Variants in FERMT2 observed in about 807,000 individuals in gnomAD.
FERMT2 encodes the protein FERM domain containing kindlin 2.
A neutral mutation model predicts 82.7 loss-of-function variants in FERMT2; 15 were observed. The ratio of observed to expected loss-of-function variants is 0.18; its 90% CI spans 0.12 to 0.28. The LOEUF is 0.28. Ranked by LOEUF, FERMT2 falls within the 10% of genes least tolerant of loss-of-function variation. The pLI, the probability that FERMT2 is intolerant of heterozygous loss-of-function variation, is 1.00. For synonymous variants in FERMT2, 274 were observed against 271.5 expected, an observed-to-expected ratio of 1.01 and a Z score of -0.09; for missense variants, 645 against 809.4, an observed-to-expected ratio of 0.80 and a Z score of 2.46.
chr14:52,948,891 C>T (rs1459799184), intron 2 of FERMT2, among the ~76,000 whole-genome samples: 6 of 152,084 alleles, frequency 3.9e-5, no homozygotes, highest in Admixed American at 3.3e-4. Flanking sequence ...AAAGCTCTAA[C>T]AAAAATGCTT....
At chr14:52,860,505 TTC>T (rs750606214) in intron 12 of FERMT2, 40 bp from the exon 13 acceptor site, 43 of 1,575,492 alleles carry the variant, frequency 2.7e-5, no homozygotes, top group Non-Finnish European at 3.6e-5. Context: ...TTGAACATTA[TTC>T]TCTCATGGGA....
At chr14:52,881,848 G>A (rs1347168768) in intron 4 of FERMT2, 2 of 1,229,320 alleles carry the variant, frequency 1.6e-6, no homozygotes, top group Non-Finnish European at 2.1e-6. Flanking sequence ...AGGAAAGAAA[G>A]GAATTCAGAA....
At chr14:52,896,528 A>G (rs971141283) in intron 3 of FERMT2, among the ~76,000 whole-genome samples, 2 of 152,182 alleles carry the variant, frequency 1.3e-5, no homozygotes, top group Non-Finnish European at 2.9e-5. Context: ...TAGTTCCACT[A>G]TTTATTAGCT....
At chr14:52,883,330 T>A (rs984238951) in intron 4 of FERMT2, among the ~76,000 whole-genome samples, 4 of 152,168 alleles carry the variant, frequency 2.6e-5, no homozygotes, top group Non-Finnish European at 4.4e-5. Context: ...AACTTAAAAT[T>A]GTGTGACACC....
chr14:52,901,260 G>A lies in FERMT2; in HGVS notation c.392-7833C>T, dbSNP rs187476135. 8.6e-3 allele frequency among the ~76,000 whole-genome samples: 983 copies of A among 114,558 alleles called. 6 individuals carry two copies. The highest frequency in any genetic ancestry group is 0.029 in the African/African-American group (888 of 30,134). 75.2% of individuals were successfully genotyped at this position (114,558 alleles called of 152,430 possible). A position where few individuals can be genotyped will look rare whatever the true frequency, so the allele number is the denominator to read the frequency against. ...CGCGCCACTGCACTCCAGCCTAGGCGACAGAGCGAGACTCTGTCTCAAAAA... is the reference window on the plus strand; with the variant it reads ...CGCGCCACTGCACTCCAGCCTAGGCAACAGAGCGAGACTCTGTCTCAAAAA... On this transcript the variant is annotated intron_variant, in intron 3 of 14. Transcript: ENST00000341590.
At chr14:52,901,576 T>G (rs369814857) in intron 3 of FERMT2, among the ~76,000 whole-genome samples, 6 of 149,922 alleles carry the variant, frequency 4.0e-5, no homozygotes, top group African/African-American at 1.5e-4. Flanking sequence ...ACAGAAGGAG[T>G]GGTCAGATAA....
intron 2 of FERMT2, among the ~76,000 whole-genome samples, chr14:52,934,870 G>C (rs1566760004): frequency 6.6e-6 from 1 of 152,320 alleles, no homozygotes; most frequent in African/African-American, 2.4e-5. Flanking sequence ...ATGGGGGACA[G>C]AGAGGCAACA....
rs2139606342 is a variant in FERMT2 at position 52,909,485 on chromosome 14, C to A, written c.391+9638G>T. ...AAAGAAGGCTCTTATTAGTTTAAGG[C>A]ACTGTTAAATCTAGATTTCTGGCTG... On this transcript the variant is annotated intron_variant, in intron 3 of 14. Transcript: ENST00000341590. 1.3e-5 allele frequency among the ~76,000 whole-genome samples: 2 copies of A among 152,274 alleles called. 1 individual carries two copies. Among genetic ancestry groups the A allele is most frequent in the Non-Finnish European group, 2.9e-5 (2 of 68,018 alleles).
Position 52,883,441 on chromosome 14 carries a change from G to A in FERMT2, c.527-1972C>T, listed in dbSNP as rs1413708969. On this transcript the variant is annotated intron_variant, in intron 4 of 14. Transcript: ENST00000341590. ...GGTATTTCTGCTACAGAGTGTGCAT[G>A]TAGATAAAGTGTGAAAAAACATTAA... is the stretch of plus-strand genomic sequence containing the variant. Among the ~76,000 whole-genome samples the A allele has an allele frequency of 2.0e-5, 3 of 152,322 alleles. No homozygotes were observed. The East Asian group carries it at 5.8e-4, about 29-fold the overall frequency.
At chr14:52,890,673 G>A (rs542004983) in intron 4 of FERMT2, among the ~76,000 whole-genome samples, 5 of 147,570 alleles carry the variant, frequency 3.4e-5, no homozygotes, top group Admixed American at 6.9e-5. Flanking sequence ...GCACAATCTC[G>A]GCTCACTGCA....
In FERMT2 at chr14:52,872,907, G is replaced by T; in HGVS notation, c.1165C>A (p.Leu389Met). 1.2e-6 allele frequency: 2 copies of T among 1,613,786 alleles called. No homozygotes were observed. Among genetic ancestry groups the T allele is most frequent in the Non-Finnish European group, 1.7e-6 (2 of 1,179,806 alleles). Residue 389 changes from leucine (L) to methionine (M), a missense_variant, in exon 10 of 15, where the codon CTG becomes ATG. Transcript: ENST00000341590. ...IKVFKPKKLT[L>M]KGYKQYWCTF... Reference sequence around the variant, plus strand: ...CACCAATATTGTTTGTAACCTTTCAGAGTCAGCTTTTTTGGCCTATGTATC... The same window carrying T: ...CACCAATATTGTTTGTAACCTTTCATAGTCAGCTTTTTTGGCCTATGTATC...
intron 3 of FERMT2, among the ~76,000 whole-genome samples, chr14:52,904,146 C>A (rs1024197859): frequency 6.6e-6 from 1 of 151,924 alleles, no homozygotes. Flanking sequence ...TTTGGGAGGC[C>A]GAGGTGGGTG....
chr14:52,870,511 G>T lies in FERMT2; in HGVS notation c.1273+2288C>A, dbSNP rs146618321. Among the ~76,000 whole-genome samples the T allele has an allele frequency of 3.8e-3, 577 of 152,324 alleles. 3 individuals carry two copies. The highest frequency in any genetic ancestry group is 6.5e-3 in the Non-Finnish European group (440 of 68,020). The stretch of plus-strand genomic sequence containing the variant: ...TGATCCGCCGCCTCAGCCTCCCAAA[G>T]TGCTGGGATTATAGGCATGAGCCAC... On this transcript the variant is annotated intron_variant, in intron 10 of 14. Transcript: ENST00000341590.
intron 3 of FERMT2, among the ~76,000 whole-genome samples, chr14:52,906,311 G>T (rs1356279345): frequency 6.6e-6 from 1 of 152,188 alleles, no homozygotes; most frequent in Non-Finnish European, 1.5e-5. Flanking sequence ...TTCCTGTCAA[G>T]GAGAACAGAA....
chr14:52,886,735 C>A (rs1038127255), intron 4 of FERMT2, among the ~76,000 whole-genome samples: 1 of 152,044 alleles, frequency 6.6e-6, no homozygotes, highest in Non-Finnish European at 1.5e-5. Flanking sequence ...CCCACTTGTG[C>A]ATATAAACAC....
chr14:52,877,574 C>CTTTTTTT (rs34676786), intron 7 of FERMT2, among the ~76,000 whole-genome samples: 1,026 of 67,044 alleles, frequency 0.015, 85 homozygotes, highest in Non-Finnish European at 0.017. Context: ...GCTGTTCTTG[C>CTTTTTTT]TTTTTTTTTT....
chr14:52,873,937 G>A (rs1387453744), intron 9 of FERMT2, among the ~76,000 whole-genome samples: 2 of 151,384 alleles, frequency 1.3e-5, no homozygotes, highest in African/African-American at 4.9e-5. Flanking sequence ...ATGCAATCTA[G>A]GTTTCACAAT....
intron 2 of FERMT2, chr14:52,928,045 C>A: frequency 2.6e-6 from 1 of 379,490 alleles, no homozygotes; most frequent in Non-Finnish European, 5.4e-6. Context: ...GTAACCACAT[C>A]TTAAAAATAA....
At chr14:52,896,414 T>C (rs901546770) in intron 3 of FERMT2, among the ~76,000 whole-genome samples, 1 of 152,152 alleles carries the variant, frequency 6.6e-6, no homozygotes, top group South Asian at 2.1e-4. Flanking sequence ...GAAAGCTTTT[T>C]GTTTGTAGGG....
Sources: gnomAD v4.1 joint callset for allele counts (sites outside exome capture counted in the v4.1 genomes callset) on GRCh38, gnomAD v4.1.1 for gene constraint, MANE v1.5 for transcripts, NCBI Gene and HGNC (gene_info 2026-07-23, HGNC 2026-07-21) for gene names.